Variants in SEMA3E observed in about 807,000 individuals in gnomAD.
SEMA3E encodes semaphorin 3E.
Under a neutral mutation model 93.6 loss-of-function variants are expected in SEMA3E, and 49 were observed. The ratio of observed to expected loss-of-function variants is 0.52; its 90% confidence interval spans 0.42 to 0.66. The LOEUF (loss-of-function observed/expected upper bound fraction) is 0.66. Among genes scored for constraint, SEMA3E ranks in the 30% least tolerant of loss-of-function variants. The pLI is 0.00. For synonymous variants in SEMA3E, 363 were observed against 330.7 expected (o/e 1.10, Z -1.06); for missense variants, 906 against 964.8 (o/e 0.94, Z 0.81).
chr7:83,418,938 T>C (rs973004480), intron 4 of SEMA3E, among the ~76,000 whole-genome samples: 1 of 152,116 alleles, frequency 6.6e-6, no homozygotes, highest in Non-Finnish European at 1.5e-5. Context: ...TATGCAGGTT[T>C]GTTATATGGC....
intron 1 of SEMA3E, among the ~76,000 whole-genome samples, chr7:83,617,063 A>T (rs1793385600): frequency 6.6e-6 from 1 of 152,124 alleles, no homozygotes; most frequent in Non-Finnish European, 1.5e-5. Context: ...ATTTTTAATA[A>T]TCAATTTGGT....
chr7:83,602,401 C>A (rs1175733146), intron 1 of SEMA3E, among the ~76,000 whole-genome samples: 1 of 152,134 alleles, frequency 6.6e-6, no homozygotes, highest in African/African-American at 2.4e-5. Context: ...CATAAGCATG[C>A]CTATCTCCAC....
At chr7:83,553,945 A>G (rs1327264053) in intron 1 of SEMA3E, among the ~76,000 whole-genome samples, 1 of 152,142 alleles carries the variant, frequency 6.6e-6, no homozygotes, top group Non-Finnish European at 1.5e-5. Context: ...TCTAAATGTT[A>G]TCAAGATTTT....
At chr7:83,603,047 T>C (rs899811481) in intron 1 of SEMA3E, among the ~76,000 whole-genome samples, 3 of 152,332 alleles carry the variant, frequency 2.0e-5, no homozygotes, top group African/African-American at 7.2e-5. Context: ...TAATTTTTAT[T>C]GCTTTATGCG....
chr7:83,370,659 T>C (rs1409286928), intron 16 of SEMA3E, among the ~76,000 whole-genome samples: 1 of 152,160 alleles, frequency 6.6e-6, no homozygotes, highest in East Asian at 1.9e-4. Context: ...TCATCCTGCG[T>C]AACTGAATTA....
intron 2 of SEMA3E, among the ~76,000 whole-genome samples, chr7:83,481,794 A>T (rs189198269): frequency 1.1e-3 from 168 of 152,360 alleles, no homozygotes; most frequent in South Asian, 2.7e-3. Flanking sequence ...TAAGTTTATT[A>T]AATTACAGAT....
At chr7:83,405,894 A>G in intron 8 of SEMA3E, 51 bp downstream of exon 8, 3 of 1,279,260 alleles carry the variant, frequency 2.3e-6, no homozygotes, top group Non-Finnish European at 3.4e-6. Flanking sequence ...ATAAAGTTAT[A>G]AAGAAGCATA....
intron 11 of SEMA3E, 129 bp from the exon 12 acceptor site, chr7:83,396,858 C>A: frequency 1.6e-6 from 1 of 644,058 alleles, no homozygotes; most frequent in South Asian, 1.6e-5. Context: ...ATGGGTGTAT[C>A]TCTTGAGGTC....
At chr7:83,503,077 G>A (rs1366225470) in intron 1 of SEMA3E, among the ~76,000 whole-genome samples, 2 of 144,702 alleles carry the variant, frequency 1.4e-5, no homozygotes, top group Admixed American at 7.0e-5. Context: ...TTCCCTTGTT[G>A]AAATAGGGCT....
In SEMA3E at chr7:83,492,947, TG is replaced by T. The variant is rs374370679; in HGVS notation, c.116-2674del. 7.9e-4 allele frequency among the ~76,000 whole-genome samples: 120 copies of T among 152,118 alleles called. 2 individuals are homozygous for T. The highest frequency in any genetic ancestry group is 3.4e-3 in the Middle Eastern group (1 of 294). On this transcript the variant is annotated intron_variant, in intron 1 of 16. Transcript: ENST00000643230. ...TGCGTATATTATAACCAAAGGTCTT[TG>T]TAGACTGAGAATCTGGAAGGCCAGG...
At position 83,490,271 on chromosome 7, in the gene SEMA3E, A is replaced by G; in HGVS notation, c.119T>C (p.Leu40Pro). 6.2e-7 allele frequency: 1 copy of G among 1,611,750 alleles called. No homozygotes were observed. The highest frequency in any genetic ancestry group is 8.5e-7 in the Non-Finnish European group (1 of 1,179,174). ...HPRLRLSHKE[L>P]LNLNRTSIFH... ...TATTGATGTTCTGTTCAGATTCAAG[A>G]GCTCTGAAATGCAAAGTGATACATA... Residue 40 changes from leucine (L) to proline (P), a missense_variant, in exon 2 of 17, where the codon CTC becomes CCC. Transcript: ENST00000643230.
At chr7:83,502,641 G>A (rs1274089619) in intron 1 of SEMA3E, among the ~76,000 whole-genome samples, 1 of 152,128 alleles carries the variant, frequency 6.6e-6, no homozygotes, top group Admixed American at 6.5e-5. Flanking sequence ...TTCCAACCAG[G>A]CATTCTAAGT....
intron 4 of SEMA3E, among the ~76,000 whole-genome samples, chr7:83,456,897 C>T (rs1200378955): frequency 2.6e-5 from 4 of 151,958 alleles, no homozygotes; most frequent in South Asian, 2.1e-4. Flanking sequence ...TACAGGCAAG[C>T]GCCACTGTGC....
At chr7:83,603,084 G>T (rs1793032267) in intron 1 of SEMA3E, among the ~76,000 whole-genome samples, 1 of 152,064 alleles carries the variant, frequency 6.6e-6, no homozygotes, top group Non-Finnish European at 1.5e-5. Flanking sequence ...AAGCTATATT[G>T]TATAAGGTTT....
chr7:83,389,973 ACATATATACGCGTATAT>A (rs1376836968), intron 14 of SEMA3E, among the ~76,000 whole-genome samples: 12 of 130,054 alleles, frequency 9.2e-5, no homozygotes, highest in African/African-American at 2.6e-4. Flanking sequence ...ATACGTATAC[ACATATATACGCGTATAT>A]GTGTATACGT....
chr7:83,592,899 T>C (rs1200687996), intron 1 of SEMA3E, among the ~76,000 whole-genome samples: 2 of 152,152 alleles, frequency 1.3e-5, no homozygotes. Flanking sequence ...AAGGTATTCA[T>C]TGTAGCAGGC....
At chr7:83,383,843 C>T (rs1303512290) in intron 16 of SEMA3E, among the ~76,000 whole-genome samples, 1 of 151,970 alleles carries the variant, frequency 6.6e-6, no homozygotes, top group Non-Finnish European at 1.5e-5. Context: ...TCACTGTCTT[C>T]TGAAGCCATT....
In SEMA3E at chr7:83,467,707, A is replaced by G. The variant is rs542587820; in HGVS notation, c.337-1106T>C. On this transcript the variant is annotated intron_variant, in intron 3 of 16. Coordinates refer to ENST00000643230, the MANE Select transcript of SEMA3E (RefSeq NM_012431.3). ...ACTTTATTTACAAAAATAGGCAAAAAGCCACCTTCGGCCTAGAAGCTCTAG... is the reference window on the plus strand; with the variant it reads ...ACTTTATTTACAAAAATAGGCAAAAGGCCACCTTCGGCCTAGAAGCTCTAG... 2.0e-5 allele frequency among the ~76,000 whole-genome samples: 3 copies of G among 152,318 alleles called. No individual in the cohort carries two copies. The South Asian group carries it at 6.2e-4, about 32-fold the overall frequency.
At chr7:83,534,243 A>C (rs1791363664) in intron 1 of SEMA3E, among the ~76,000 whole-genome samples, 1 of 152,220 alleles carries the variant, frequency 6.6e-6, no homozygotes, top group Admixed American at 6.5e-5. Flanking sequence ...TTTTAAAAAA[A>C]TACTGGCTGG....
Sources: gnomAD v4.1 joint callset for allele counts (sites outside exome capture counted in the v4.1 genomes callset) on GRCh38, gnomAD v4.1.1 for gene constraint, MANE v1.5 for transcripts, NCBI Gene and HGNC (gene_info 2026-07-23, HGNC 2026-07-21) for gene names.